Variants in DYNLT5 observed in about 807,000 individuals in gnomAD.
DYNLT5 encodes dynein light chain Tctex-type family member 5, also known as dynein light chain Tctex-type 5.
Under a neutral mutation model 19.3 loss-of-function variants are expected in DYNLT5, and 25 were observed. That is an observed-to-expected ratio of 1.30 (90% confidence interval 0.95 to 1.81). DYNLT5 has a LOEUF of 1.81. DYNLT5 is among the 40% of genes most tolerant of loss of function. The pLI, the probability that DYNLT5 is intolerant of heterozygous loss-of-function variation, is 0.00. For synonymous variants in DYNLT5, 82 were observed against 68.9 expected (o/e 1.19, Z -0.94); for missense variants, 232 against 217.9 (o/e 1.06, Z -0.41).
Position 66,762,639 on chromosome 1 carries a change from C to T in DYNLT5, c.120-7748C>T, listed in dbSNP as rs187406053. On this transcript the variant is annotated intron_variant, in intron 2 of 4. Transcript: ENST00000282670. ...CTTTTCAACTTACTTTGCCCAGATC[C>T]ATCAGAGGAATCCACATCTATGACA... 2.8e-3 allele frequency among the ~76,000 whole-genome samples: 423 copies of T among 152,292 alleles called. 3 individuals carry two copies. Among genetic ancestry groups the T allele is most frequent in the African/African-American group, 9.1e-3 (378 of 41,546 alleles).
intron 3 of DYNLT5, among the ~76,000 whole-genome samples, chr1:66,774,343 G>C (rs1645222509): frequency 6.6e-6 from 1 of 152,008 alleles, no homozygotes. Context: ...TGTCACCCTG[G>C]GTTAATCAAC....
chr1:66,765,696 C>T (rs1376570104), intron 2 of DYNLT5, among the ~76,000 whole-genome samples: 3 of 147,574 alleles, frequency 2.0e-5, no homozygotes, highest in Non-Finnish European at 4.4e-5. Flanking sequence ...AGTGCAGTGG[C>T]GTGATCTCGG....
chr1:66,770,621 CT>C (rs903861713), intron 3 of DYNLT5, 143 bp downstream of exon 3: 1 of 753,652 alleles, frequency 1.3e-6, no homozygotes, highest in East Asian at 2.6e-5. Flanking sequence ...TTTGATGTTG[CT>C]TTAGTTTCTT....
chr1:66,756,881 G>A (rs144702008), intron 2 of DYNLT5, among the ~76,000 whole-genome samples: 1 of 152,250 alleles, frequency 6.6e-6, no homozygotes, highest in African/African-American at 2.4e-5. Context: ...CTTCCCCATG[G>A]GGTACCCCGA....
At position 66,752,469 on chromosome 1, in the gene DYNLT5, G is replaced by A. The variant is rs759300927; in HGVS notation, c.-119G>A. ...CTGGAGACCGGCCTCAGAGTCCAGGGAGAGTGCGCGGGCGGCCGCCGGCTG... is the reference window on the plus strand; with the variant it reads ...CTGGAGACCGGCCTCAGAGTCCAGGAAGAGTGCGCGGGCGGCCGCCGGCTG... On this transcript the variant is annotated 5_prime_UTR_variant, in exon 1 of 5. Transcript: ENST00000282670. 161 of 985,568 alleles carry A rather than the reference G, an allele frequency of 1.6e-4. No homozygotes were observed. Among genetic ancestry groups the A allele is most frequent in the South Asian group, 7.5e-4 (16 of 21,292 alleles). The allele number at this position is 985,568 out of a possible 1,614,324, so 61.1% of individuals were successfully genotyped here.
At chr1:66,753,114 C>T (rs190117381) in intron 1 of DYNLT5, among the ~76,000 whole-genome samples, 22 of 152,268 alleles carry the variant, frequency 1.4e-4, no homozygotes, top group Admixed American at 1.4e-3. Flanking sequence ...CAGAGATGCA[C>T]ACTCACAGGT....
chr1:66,766,609 A>G (rs1401648187), intron 2 of DYNLT5, among the ~76,000 whole-genome samples: 1 of 152,204 alleles, frequency 6.6e-6, no homozygotes, highest in Non-Finnish European at 1.5e-5. Context: ...CCATACCTGC[A>G]AGCATTTTAA....
At chr1:66,776,555 G>T (rs934223962) in intron 4 of DYNLT5, 152 bp downstream of exon 4, 2 of 807,176 alleles carry the variant, frequency 2.5e-6, no homozygotes, top group African/African-American at 3.9e-5. Context: ...ATATGTGTGT[G>T]TGTGGGTGTG....
chr1:66,760,628 C>T (rs985341862), intron 2 of DYNLT5, among the ~76,000 whole-genome samples: 7 of 152,162 alleles, frequency 4.6e-5, no homozygotes, highest in Non-Finnish European at 7.4e-5. Context: ...AGAACAGTTT[C>T]ATTTGTGTTG....
intron 1 of DYNLT5, 24 bp from the exon 2 acceptor site, chr1:66,754,632 T>G (rs952019859): frequency 6.3e-7 from 1 of 1,579,360 alleles, no homozygotes; most frequent in Non-Finnish European, 8.6e-7. Context: ...TCTTTTGCTA[T>G]TTTACAAAAG....
At position 66,770,430 on chromosome 1, in the gene DYNLT5, G is replaced by A. The variant is rs1429968754; in HGVS notation, c.163G>A (p.Asp55Asn). The A allele has an allele frequency of 1.2e-6, 2 of 1,613,458 alleles. No homozygotes were observed. Among genetic ancestry groups the A allele is most frequent in the Admixed American group, 3.3e-5 (2 of 59,938 alleles). ...VSYMEEPSQRDDISRLTVQME... is the reference protein window; with the variant it reads ...VSYMEEPSQRNDISRLTVQME... ...TTATATGGAAGAACCCAGTCAGCGT[G>A]ATGATATCTCTCGCCTTACAGTTCA... is the stretch of plus-strand genomic sequence containing the variant. The change falls in exon 3 of 5, where the codon GAT becomes AAT. Residue 55 changes from aspartate to asparagine, a missense_variant. Physicochemically the swap from Asp to Asn is conservative, Grantham distance 23. Transcript: ENST00000282670.
At chr1:66,771,294 T>C (rs1471407713) in intron 3 of DYNLT5, among the ~76,000 whole-genome samples, 2 of 152,240 alleles carry the variant, frequency 1.3e-5, no homozygotes, top group African/African-American at 4.8e-5. Context: ...TCACAGTGCC[T>C]GTGGTGGACA....
chr1:66,762,583 A>G (rs984251573), intron 2 of DYNLT5, among the ~76,000 whole-genome samples: 13 of 152,182 alleles, frequency 8.5e-5, no homozygotes, highest in African/African-American at 3.1e-4. Flanking sequence ...TGAATCATAA[A>G]TGTTCTCAAT....
Position 66,754,701 on chromosome 1 carries a change from T to C in DYNLT5, c.43T>C (p.Trp15Arg), listed in dbSNP as rs772242212. The change falls in exon 2 of 5, where the codon TGG (tryptophan) becomes CGG (arginine). Residue 15 changes from tryptophan (W) to arginine (R), a missense_variant. Physicochemically the swap from Trp to Arg is moderately radical, Grantham distance 101. Coordinates refer to ENST00000282670, the MANE Select transcript of DYNLT5 (RefSeq NM_152665.3). ...TGCTAAAGGCAGAGCAGCTCATTCA[T>C]GGAAGAAAAGAGGGAGTATTTCTTC... is the stretch of plus-strand genomic sequence containing the variant. ...DNAKGRAAHSWKKRGSISSLS... is the reference protein window; with the variant it reads ...DNAKGRAAHSRKKRGSISSLS... 5 of 1,613,308 alleles carry C rather than the reference T, an allele frequency of 3.1e-6. No homozygotes were observed. Among genetic ancestry groups the C allele is most frequent in the Middle Eastern group, 1.6e-4 (1 of 6,078 alleles).
intron 2 of DYNLT5, among the ~76,000 whole-genome samples, chr1:66,761,941 A>G (rs1194031751): frequency 6.6e-6 from 1 of 152,180 alleles, no homozygotes; most frequent in East Asian, 1.9e-4. Flanking sequence ...ATTCATCTCA[A>G]ACCGTGCCAC....
intron 2 of DYNLT5, 142 bp downstream of exon 2, chr1:66,754,919 T>C (rs1222417968): frequency 9.3e-5 from 73 of 786,148 alleles, no homozygotes; most frequent in Non-Finnish European, 1.3e-4. Context: ...TTAGGGGCCA[T>C]ATTTAAAAAG....
chr1:66,766,801 T>A (rs2094656089), intron 2 of DYNLT5, among the ~76,000 whole-genome samples: 2 of 152,170 alleles, frequency 1.3e-5, no homozygotes, highest in Non-Finnish European at 1.5e-5. Flanking sequence ...TATACTTTTT[T>A]ATGATGTTAT....
intron 2 of DYNLT5, among the ~76,000 whole-genome samples, chr1:66,763,054 A>T (rs1419551976): frequency 6.6e-6 from 1 of 152,192 alleles, no homozygotes; most frequent in East Asian, 1.9e-4. Context: ...GGTCGAAATT[A>T]CTCCTTGATC....
intron 2 of DYNLT5, among the ~76,000 whole-genome samples, chr1:66,767,575 T>C (rs1041966344): frequency 7.2e-5 from 11 of 152,222 alleles, no homozygotes; most frequent in Non-Finnish European, 1.5e-4. Context: ...TTATGATTTA[T>C]TGATTACTTG....
Sources: allele counts gnomAD v4.1 joint callset (sites outside exome capture counted in the v4.1 genomes callset), GRCh38; gene constraint gnomAD v4.1.1; transcripts MANE v1.5; gene names NCBI Gene and HGNC (gene_info 2026-07-23, HGNC 2026-07-21).